Variants in CCDC7 observed in about 807,000 individuals in gnomAD.
The protein encoded by CCDC7 is coiled-coil domain-containing protein 7.
Under a neutral mutation model 196.9 loss-of-function variants are expected in CCDC7, and 183 were observed. That is an observed-to-expected ratio of 0.93 (90% CI 0.82 to 1.05). CCDC7 has a LOEUF of 1.05. Ranked by LOEUF, CCDC7 falls within the 50% of genes least tolerant of loss-of-function variation. The pLI, the probability that CCDC7 is intolerant of heterozygous loss-of-function variation, is 0.00. For synonymous variants in CCDC7, 525 were observed against 484.6 expected, an observed-to-expected ratio of 1.08 and a Z score of -1.10; for missense variants, 1,540 against 1,482.2, an observed-to-expected ratio of 1.04 and a Z score of -0.64.
chr10:32,702,708 A>G (rs1052033355), intron 24 of CCDC7, among the ~76,000 whole-genome samples: 3 of 152,100 alleles, frequency 2.0e-5, no homozygotes, highest in African/African-American at 4.8e-5. Flanking sequence ...GTGCTCCTGT[A>G]TTGGGTGCAT....
At chr10:32,657,998 G>T (rs972912942) in intron 20 of CCDC7, among the ~76,000 whole-genome samples, 1 of 152,052 alleles carries the variant, frequency 6.6e-6, no homozygotes, top group East Asian at 1.9e-4. Context: ...TTCCAGTTCC[G>T]AACAACTTCT....
At chr10:32,504,119 T>TTC (rs1310224729) in intron 9 of CCDC7, among the ~76,000 whole-genome samples, 1 of 142,204 alleles carries the variant, frequency 7.0e-6, no homozygotes, top group East Asian at 2.0e-4. Flanking sequence ...TTGCTGGTTT[T>TTC]TTTTTTTTTT....
rs2039870859 is a variant in CCDC7 at position 32,481,026 on chromosome 10, T to TG, written c.796+7004dup. On this transcript the variant is annotated intron_variant, in intron 8 of 41. Coordinates refer to ENST00000639629, the Ensembl canonical transcript of CCDC7. Reference sequence around the variant, plus strand: ...ATATTTGTTTTATATATTTAGGTGTTGCAATGTTGGGTGTGTATATATTTG... The same window carrying TG: ...ATATTTGTTTTATATATTTAGGTGTTGGCAATGTTGGGTGTGTATATATTTG... 2.0e-5 allele frequency among the ~76,000 whole-genome samples: 3 copies of TG among 152,330 alleles called. No individual in the cohort carries two copies. The East Asian group carries it at 5.8e-4, about 29-fold the overall frequency.
At chr10:32,524,054 ATCTT>A (rs1221718047) in intron 11 of CCDC7, among the ~76,000 whole-genome samples, 2 of 128,748 alleles carry the variant, frequency 1.6e-5, no homozygotes, top group Non-Finnish European at 3.4e-5. Flanking sequence ...TTACAGCCTT[ATCTT>A]TCTTCCTTCT....
intron 28 of CCDC7, among the ~76,000 whole-genome samples, chr10:32,743,048 A>G (rs2086145124): frequency 6.6e-6 from 1 of 152,222 alleles, no homozygotes; most frequent in Admixed American, 6.5e-5. Context: ...CAGTTAATGT[A>G]TCTATTTACC....
chr10:32,745,638 A>G (rs2074592088), intron 28 of CCDC7, among the ~76,000 whole-genome samples: 1 of 152,174 alleles, frequency 6.6e-6, no homozygotes, highest in African/African-American at 2.4e-5. Context: ...GACCTCCAAT[A>G]TTGGTGATCC....
intron 24 of CCDC7, among the ~76,000 whole-genome samples, chr10:32,695,754 G>A (rs1465787849): frequency 6.6e-6 from 1 of 152,208 alleles, no homozygotes; most frequent in African/African-American, 2.4e-5. Flanking sequence ...AAGGCGGACT[G>A]ATCTTGATCA....
intron 8 of CCDC7, among the ~76,000 whole-genome samples, chr10:32,489,591 G>T (rs550980973): frequency 6.6e-6 from 1 of 152,310 alleles, no homozygotes; most frequent in East Asian, 1.9e-4. Context: ...ATGTGGACTG[G>T]AGTGTGAACA....
At chr10:32,738,473 C>CTTTTTTT (rs33944221) in intron 28 of CCDC7, among the ~76,000 whole-genome samples, 74 of 109,662 alleles carry the variant, frequency 6.7e-4, no homozygotes, top group Admixed American at 1.4e-3. Flanking sequence ...GTTTCTTTCA[C>CTTTTTTT]TTTTTTTTTT....
intron 30 of CCDC7, among the ~76,000 whole-genome samples, chr10:32,810,944 G>A (rs538186144): frequency 8.0e-4 from 122 of 151,828 alleles, no homozygotes; most frequent in African/African-American, 2.7e-3. Context: ...GATTAAAAAG[G>A]AAATCAAAAA....
chr10:32,567,590 T>C lies in CCDC7; in HGVS notation c.1198-80T>C, dbSNP rs890583936. ...TTGAGAAATCATGTAGGCGTAAATA[T>C]ATGTAGATTCCTGAATGTGGTAGTA... On this transcript the variant is annotated intron_variant, in intron 14 of 41. Coordinates refer to ENST00000639629, the Ensembl canonical transcript of CCDC7. 4.2e-6 allele frequency: 6 copies of C among 1,442,496 alleles called. No homozygotes were observed. The Admixed American group carries it at 7.5e-5, about 18-fold the overall frequency. The allele number at this position is 1,442,496 out of a possible 1,614,324, so 89.4% of individuals were successfully genotyped here.
chr10:32,517,778 AAAAT>A (rs1001220446), intron 9 of CCDC7, among the ~76,000 whole-genome samples, 163 bp from the exon 11 acceptor site: 7 of 151,918 alleles, frequency 4.6e-5, no homozygotes, highest in Non-Finnish European at 8.8e-5. Context: ...TAATAATAAT[AAAAT>A]AAATAAAAAG....
At chr10:32,549,001 G>A (rs1035340356) in intron 13 of CCDC7, among the ~76,000 whole-genome samples, 2 of 152,178 alleles carry the variant, frequency 1.3e-5, no homozygotes, top group Non-Finnish European at 2.9e-5. Flanking sequence ...GTTTTCCATA[G>A]TGGCTGTACT....
chr10:32,852,134 A>G (rs978799844), intron 40 of CCDC7, among the ~76,000 whole-genome samples: 1 of 152,216 alleles, frequency 6.6e-6, no homozygotes, highest in Non-Finnish European at 1.5e-5. Context: ...CCTCTTCTCC[A>G]TTATGACTAA....
At chr10:32,868,745 C>T (rs111746320) in intron 41 of CCDC7, among the ~76,000 whole-genome samples, 25 of 134,778 alleles carry the variant, frequency 1.9e-4, no homozygotes, top group African/African-American at 5.8e-4. Flanking sequence ...AAGGCCCTGG[C>T]GTGTGATGTT....
At chr10:32,523,889 T>C (rs986336694) in intron 11 of CCDC7, among the ~76,000 whole-genome samples, 1 of 152,130 alleles carries the variant, frequency 6.6e-6, no homozygotes, top group Non-Finnish European at 1.5e-5. Flanking sequence ...AGTATGTTTC[T>C]TGTAGGCAAC....
chr10:32,567,006 TTG>T (rs1564677892), intron 14 of CCDC7, among the ~76,000 whole-genome samples: 1 of 132,408 alleles, frequency 7.6e-6, no homozygotes, highest in Admixed American at 7.7e-5. Flanking sequence ...AAAAATATCT[TTG>T]TGTAATTTCC....
chr10:32,713,819 A>G (rs1011964054), intron 25 of CCDC7, among the ~76,000 whole-genome samples: 1 of 152,216 alleles, frequency 6.6e-6, no homozygotes, highest in Admixed American at 6.5e-5. Flanking sequence ...AGTGTTTGCT[A>G]TCTGGGCAGC....
chr10:32,482,907 A>G (rs1246405733), intron 8 of CCDC7, among the ~76,000 whole-genome samples: 1 of 152,138 alleles, frequency 6.6e-6, no homozygotes, highest in South Asian at 2.1e-4. Context: ...ATTGTTGGAC[A>G]TTTGGGTTGG....
Sources: allele counts gnomAD v4.1 joint callset (sites outside exome capture counted in the v4.1 genomes callset), GRCh38; gene constraint gnomAD v4.1.1; transcripts MANE v1.5; gene names NCBI Gene and HGNC (gene_info 2026-07-23, HGNC 2026-07-21).